The following PRRG1 variants were observed in gnomAD, a reference collection of about 807,000 sequenced individuals.
PRRG1 encodes the protein transmembrane gamma-carboxyglutamic acid protein 1.
Under a neutral mutation model 11.8 loss-of-function variants are expected in PRRG1, and 5 were observed. The observed-to-expected ratio is 0.42, with a 90% CI of 0.22 to 0.89. PRRG1 has a LOEUF of 0.89. Ranked by LOEUF, PRRG1 falls within the 40% of genes least tolerant of loss-of-function variation. The pLI is 0.28. For missense variants in PRRG1, 155 were observed against 166.1 expected (o/e 0.93, Z 0.37); for synonymous variants, 66 against 60.4 (o/e 1.09, Z -0.43).
rs555783374 is a variant in PRRG1, at chrX:37,350,868, G to T, written c.-42+1473G>T. Among the ~76,000 whole-genome samples the T allele has an allele frequency of 4.5e-5, 5 of 109,908 alleles. No individual in the cohort carries two copies. The Admixed American group carries it at 4.8e-4, about 11-fold the overall frequency. On this transcript the variant is annotated intron_variant, in intron 1 of 3. Transcript: ENST00000378628. Reference sequence around the variant, plus strand: ...GAACAGGATTTCTTCTGGTTTTATTGTTATGTTATTCTTTCTTTTTCTATT... The same window carrying T: ...GAACAGGATTTCTTCTGGTTTTATTTTTATGTTATTCTTTCTTTTTCTATT...
intron 1 of PRRG1, among the ~76,000 whole-genome samples, chrX:37,380,592 G>C (rs1931122561): frequency 9.0e-6 from 1 of 110,985 alleles, no homozygotes; most frequent in South Asian, 3.9e-4. Context: ...ATGTAGAGCT[G>C]GGGGAGCAAG....
chrX:37,417,888 CTGTT>C (rs1167535284), intron 2 of PRRG1, among the ~76,000 whole-genome samples: 13 of 111,530 alleles, frequency 1.2e-4, no homozygotes, highest in Non-Finnish European at 2.3e-4. Flanking sequence ...TTGATTTTCT[CTGTT>C]TGTTTGTTTA....
intron 1 of PRRG1, among the ~76,000 whole-genome samples, chrX:37,379,426 T>G (rs1249088532): frequency 2.7e-5 from 3 of 110,631 alleles, no homozygotes; most frequent in African/African-American, 9.8e-5. Context: ...AAGAAATGTG[T>G]ATAAAACATA....
At chrX:37,406,956 T>A (rs1379820393) in intron 2 of PRRG1, among the ~76,000 whole-genome samples, 3 of 112,201 alleles carry the variant, frequency 2.7e-5, no homozygotes, top group African/African-American at 9.7e-5. Flanking sequence ...GAGGACGGAC[T>A]CCAAAGAATG....
chrX:37,376,551 G>GCATATATATATATATATATATATA (rs1556372317), intron 1 of PRRG1, among the ~76,000 whole-genome samples: 25 of 26,924 alleles, frequency 9.3e-4, no homozygotes, highest in African/African-American at 1.8e-3. Context: ...AAATGTGAGT[G>GCATATATATATATATATATATATA]TATATATATA....
chrX:37,353,777 A>G (rs1556365352), intron 1 of PRRG1, among the ~76,000 whole-genome samples: 1 of 112,512 alleles, frequency 8.9e-6, no homozygotes, highest in Non-Finnish European at 1.9e-5. Context: ...TTAGGTGTGT[A>G]GTAAGCTATA....
At chrX:37,368,679 G>T (rs1930657886) in intron 1 of PRRG1, among the ~76,000 whole-genome samples, 1 of 109,610 alleles carries the variant, frequency 9.1e-6, no homozygotes, top group African/African-American at 3.4e-5. Flanking sequence ...TGCCAATATA[G>T]TTAGGTTTAG....
At chrX:37,375,663 T>C (rs1452031643) in intron 1 of PRRG1, among the ~76,000 whole-genome samples, 1 of 111,418 alleles carries the variant, frequency 9.0e-6, no homozygotes, top group Non-Finnish European at 1.9e-5. Flanking sequence ...TAGGTATCCG[T>C]GGATACTCAG....
At chrX:37,372,339 T>A (rs1023084821) in intron 1 of PRRG1, among the ~76,000 whole-genome samples, 2 of 112,383 alleles carry the variant, frequency 1.8e-5, no homozygotes, top group Non-Finnish European at 3.8e-5. Context: ...AGTCTTGTTC[T>A]GTTGCCCAGG....
At chrX:37,413,079 C>T (rs1279300301) in intron 2 of PRRG1, among the ~76,000 whole-genome samples, 1 of 111,320 alleles carries the variant, frequency 9.0e-6, no homozygotes, top group Middle Eastern at 4.2e-3. Context: ...TTAATCCCTT[C>T]CCATTATCAA....
Position 37,434,617 on chromosome X carries a change from AG to A in PRRG1, c.171+8619del, listed in dbSNP as rs782112671. On this transcript the variant is annotated intron_variant, in intron 3 of 3. Transcript: ENST00000378628. ...GATTTGCGCAAACATTTCATCTTTT[AG>A]GCCTCAATTTTTGTATCTTTTAAAA... is the stretch of plus-strand genomic sequence containing the variant. 5.4e-5 allele frequency among the ~76,000 whole-genome samples: 6 copies of A among 111,891 alleles called. No homozygotes were observed. The South Asian group carries it at 2.3e-3, about 42-fold the overall frequency.
chrX:37,411,380 G>A (rs189387912), intron 2 of PRRG1, among the ~76,000 whole-genome samples: 24 of 111,469 alleles, frequency 2.2e-4, no homozygotes, highest in Admixed American at 1.8e-3. Context: ...TCTTCAAATG[G>A]TAATTAGAAC....
chrX:37,402,041 A>G (rs1215154882), intron 1 of PRRG1, among the ~76,000 whole-genome samples: 1 of 111,428 alleles, frequency 9.0e-6, no homozygotes, highest in Non-Finnish European at 1.9e-5. Context: ...AATCAATATC[A>G]TGAAAATGGC....
intron 1 of PRRG1, among the ~76,000 whole-genome samples, chrX:37,405,168 T>C (rs948617954): frequency 1.8e-5 from 2 of 112,108 alleles, no homozygotes; most frequent in African/African-American, 6.5e-5. Flanking sequence ...GTTTCTGCCC[T>C]ATTACCAGAT....
intron 1 of PRRG1, among the ~76,000 whole-genome samples, chrX:37,371,503 A>G (rs181567085): frequency 8.9e-6 from 1 of 112,954 alleles, no homozygotes; most frequent in African/African-American, 3.2e-5. Context: ...ATTACGTTGT[A>G]GGCAACAAGA....
intron 1 of PRRG1, among the ~76,000 whole-genome samples, chrX:37,366,759 A>G (rs116320713): frequency 0.046 from 5,125 of 111,451 alleles, 299 homozygotes; most frequent in African/African-American, 0.16. Context: ...TGAGCCTTCT[A>G]CTTGTCTCTG....
intron 2 of PRRG1, among the ~76,000 whole-genome samples, chrX:37,412,665 A>G (rs1602014852): frequency 1.8e-5 from 2 of 110,585 alleles, no homozygotes; most frequent in South Asian, 3.9e-4. Context: ...GACAACTGCC[A>G]TAATTTTTTC....
intron 1 of PRRG1, among the ~76,000 whole-genome samples, chrX:37,389,470 G>GC (rs782481016): frequency 9.0e-6 from 1 of 111,503 alleles, no homozygotes; most frequent in South Asian, 3.8e-4. Context: ...GCTGGCATCT[G>GC]CTTGGCTTCT....
chrX:37,445,551 G>A (rs1556394973), intron 3 of PRRG1, among the ~76,000 whole-genome samples: 3 of 112,260 alleles, frequency 2.7e-5, no homozygotes, highest in East Asian at 2.8e-4. Flanking sequence ...CAACTTACTC[G>A]ATCATGCCCC....
Sources: allele counts gnomAD v4.1 joint callset (sites outside exome capture counted in the v4.1 genomes callset), GRCh38; gene constraint gnomAD v4.1.1; transcripts MANE v1.5; gene names NCBI Gene and HGNC (gene_info 2026-07-23, HGNC 2026-07-21).